Variants in PCDH9 observed in about 807,000 individuals in gnomAD.
PCDH9 encodes protocadherin 9, also known as protocadherin-9.
Under a neutral mutation model 70.6 loss-of-function variants are expected in PCDH9, and 24 were observed. The observed-to-expected ratio is 0.34, with a 90% CI of 0.25 to 0.48. PCDH9 has a LOEUF of 0.48. PCDH9 is among the 20% of genes least tolerant of loss of function. PCDH9 has a pLI of 0.99. For missense variants in PCDH9, 1,281 were observed against 1,503.6 expected (o/e 0.85, Z 2.45); for synonymous variants, 562 against 558.5 (o/e 1.01, Z -0.09).
chr13:66,534,488 G>T (rs912124887), intron 4 of PCDH9, among the ~76,000 whole-genome samples: 31 of 151,892 alleles, frequency 2.0e-4, no homozygotes, highest in African/African-American at 7.0e-4. Context: ...GCTCTCAGGG[G>T]TCCCTTCTAT....
At chr13:66,839,389 A>G (rs1028159375) in intron 3 of PCDH9, among the ~76,000 whole-genome samples, 10 of 152,134 alleles carry the variant, frequency 6.6e-5, no homozygotes, top group Non-Finnish European at 1.2e-4. Flanking sequence ...CTCTTTTACT[A>G]ATGGCAAAGC....
At chr13:66,613,811 T>A (rs2077323029) in intron 4 of PCDH9, among the ~76,000 whole-genome samples, 1 of 152,240 alleles carries the variant, frequency 6.6e-6, no homozygotes, top group African/African-American at 2.4e-5. Context: ...AAATACTTTT[T>A]TTAAGGGAAG....
At chr13:66,885,460 T>C (rs943248539) in intron 3 of PCDH9, among the ~76,000 whole-genome samples, 3 of 152,170 alleles carry the variant, frequency 2.0e-5, no homozygotes, top group Non-Finnish European at 4.4e-5. Flanking sequence ...ATATACTTAA[T>C]TAGCTGGGTT....
chr13:67,039,044 A>G (rs2085062081), intron 2 of PCDH9, among the ~76,000 whole-genome samples: 1 of 152,102 alleles, frequency 6.6e-6, no homozygotes, highest in African/African-American at 2.4e-5. Flanking sequence ...ATGTGACAAA[A>G]CTTTCATAAA....
At chr13:66,499,174 T>C (rs966706585) in intron 4 of PCDH9, among the ~76,000 whole-genome samples, 2 of 152,016 alleles carry the variant, frequency 1.3e-5, no homozygotes, top group African/African-American at 4.8e-5. Flanking sequence ...ATTTAAAACA[T>C]AATACTACTA....
At chr13:66,505,654 AACTC>A (rs1237302511) in intron 4 of PCDH9, among the ~76,000 whole-genome samples, 6 of 151,808 alleles carry the variant, frequency 4.0e-5, no homozygotes, top group Admixed American at 6.6e-5. Context: ...TGTGTAGGGG[AACTC>A]CCCTTTATAA....
At chr13:67,200,111 T>C (rs1160317797) in intron 2 of PCDH9, among the ~76,000 whole-genome samples, 1 of 152,076 alleles carries the variant, frequency 6.6e-6, no homozygotes, top group African/African-American at 2.4e-5. Flanking sequence ...TCAATGAATA[T>C]CCTTAAAAAA....
intron 4 of PCDH9, among the ~76,000 whole-genome samples, chr13:66,398,659 GA>G (rs2138288393): frequency 1.3e-5 from 2 of 152,142 alleles, no homozygotes; most frequent in South Asian, 4.1e-4. Flanking sequence ...TACCTATTTA[GA>G]AAAGTTAAAA....
rs148507872 is a variant in PCDH9, at chr13:67,179,281, T to G, written c.3036+46124A>C. ...CAGAGCCAGTGTTCACTTTCAGAAT[T>G]GTCAGACCCAAAGTTCCATGTAGAA... On this transcript the variant is annotated intron_variant, in intron 2 of 4. Coordinates refer to ENST00000377865, the MANE Select transcript of PCDH9 (RefSeq NM_203487.3). Among the ~76,000 whole-genome samples the G allele has an allele frequency of 6.1e-3, 931 of 152,200 alleles. 9 individuals carry two copies. The highest frequency in any genetic ancestry group is 0.021 in the African/African-American group (868 of 41,558).
At chr13:67,030,864 A>G (rs1290992393) in intron 2 of PCDH9, among the ~76,000 whole-genome samples, 2 of 152,178 alleles carry the variant, frequency 1.3e-5, no homozygotes, top group Non-Finnish European at 2.9e-5. Context: ...TAAAGCACCC[A>G]AACTCCTAAA....
At chr13:66,765,974 T>G (rs1157389879) in intron 3 of PCDH9, among the ~76,000 whole-genome samples, 1 of 152,062 alleles carries the variant, frequency 6.6e-6, no homozygotes, top group Non-Finnish European at 1.5e-5. Flanking sequence ...AAACATGATA[T>G]GTATTATTAT....
At chr13:66,745,860 GATAT>G (rs2139213419) in intron 3 of PCDH9, among the ~76,000 whole-genome samples, 1 of 152,288 alleles carries the variant, frequency 6.6e-6, no homozygotes, top group South Asian at 2.1e-4. Flanking sequence ...ATCACAGCAA[GATAT>G]GATTAGAATT....
chr13:66,850,072 A>ATT (rs1594147998), intron 3 of PCDH9, among the ~76,000 whole-genome samples: 3 of 152,228 alleles, frequency 2.0e-5, no homozygotes, highest in South Asian at 2.1e-4. Context: ...TTATTGTTAT[A>ATT]ATAATACAAT....
intron 4 of PCDH9, among the ~76,000 whole-genome samples, chr13:66,554,952 C>A (rs1272430532): frequency 6.6e-6 from 1 of 152,082 alleles, no homozygotes; most frequent in African/African-American, 2.4e-5. Context: ...GGCAGACCAC[C>A]TGAGGTTGGG....
At chr13:66,432,365 A>G (rs1352874633) in intron 4 of PCDH9, among the ~76,000 whole-genome samples, 1 of 151,984 alleles carries the variant, frequency 6.6e-6, no homozygotes, top group Non-Finnish European at 1.5e-5. Context: ...GAGGTAATTT[A>G]CTTAAGAAAA....
At chr13:66,392,866 G>A (rs1042570354) in intron 4 of PCDH9, among the ~76,000 whole-genome samples, 1 of 150,546 alleles carries the variant, frequency 6.6e-6, no homozygotes, top group African/African-American at 2.4e-5. Flanking sequence ...GAGCAGAGTA[G>A]GGTAAAAACA....
At chr13:67,183,606 CA>C (rs536779414) in intron 2 of PCDH9, among the ~76,000 whole-genome samples, 212 of 151,858 alleles carry the variant, frequency 1.4e-3, no homozygotes, top group Middle Eastern at 3.4e-3. Flanking sequence ...AAATCAAAAC[CA>C]AAAAACCAAA....
chr13:67,079,893 T>A (rs1005452675), intron 2 of PCDH9, among the ~76,000 whole-genome samples: 1 of 152,220 alleles, frequency 6.6e-6, no homozygotes, highest in African/African-American at 2.4e-5. Context: ...TTTCAAGTTT[T>A]AGACATTAGC....
Position 67,226,094 on chromosome 13 carries a change from A to C in PCDH9, c.2347T>G (p.Tyr783Asp). The change falls in exon 2 of 5, where the codon TAT (tyrosine) becomes GAT (aspartate). Residue 783 changes from tyrosine to aspartate, a missense_variant. This residue lies in a region of PCDH9 where 798 missense variants were observed against 1,003.1 expected (regional missense o/e 0.80). Coordinates refer to ENST00000377865, the MANE Select transcript of PCDH9 (RefSeq NM_203487.3). The surrounding 1 kb of genome is among the most constrained non-coding windows in gnomAD (Gnocchi z 5.0). ...YVNDTAGNAS[Y>D]IYDLIRRTME... is the part of the protein sequence containing the mutation. ...GTCCTGCGGATCAAGTCATAGATAT[A>C]GGAGGCATTTCCAGCAGTGTCGTTA... 6.2e-7 allele frequency: 1 copy of C among 1,614,104 alleles called. No homozygotes were observed. Among genetic ancestry groups the C allele is most frequent in the Non-Finnish European group, 8.5e-7 (1 of 1,179,992 alleles).
Sources: allele counts gnomAD v4.1 joint callset (sites outside exome capture counted in the v4.1 genomes callset), GRCh38; gene constraint gnomAD v4.1.1; regional missense constraint gnomAD v4.1.1; non-coding constraint Gnocchi (gnomAD v3.1); transcripts MANE v1.5; gene names NCBI Gene and HGNC (gene_info 2026-07-23, HGNC 2026-07-21).